PKD1: variants seen among roughly 807,000 people sequenced by gnomAD.
The protein encoded by PKD1 is polycystin 1, transient receptor potential channel interacting, also known as polycystin-1.
A neutral mutation model predicts 361.7 loss-of-function variants in PKD1; 81 were observed. That is an observed-to-expected ratio of 0.22 (90% CI 0.19 to 0.27). The LOEUF (loss-of-function observed/expected upper bound fraction) is 0.27, where lower values mean the gene tolerates loss of function less well. Among genes scored for constraint, PKD1 ranks in the 10% least tolerant of loss-of-function variants. The pLI is 1.00. For synonymous variants in PKD1, 3,615 were observed against 2,818.3 expected (o/e 1.28, Z -8.95); for missense variants, 6,399 against 6,118.3 (o/e 1.05, Z -1.53).
intron 15 of PKD1, 50 bp downstream of exon 15, chr16:2,108,202 T>C (rs763357826): frequency 1.9e-6 from 3 of 1,539,816 alleles, no homozygotes; most frequent in Non-Finnish European, 1.8e-6. Flanking sequence ...TCTGGGCTCA[T>C]GGGTGTGGAC....
chr16:2,124,427 T>C (rs1443244629), intron 1 of PKD1, among the ~76,000 whole-genome samples: 1 of 152,208 alleles, frequency 6.6e-6, no homozygotes, highest in Non-Finnish European at 1.5e-5. Flanking sequence ...AGCCTGAGGC[T>C]GGCAGGGCCG....
chr16:2,122,236 C>T (rs1404788169), intron 1 of PKD1, among the ~76,000 whole-genome samples: 2 of 152,274 alleles, frequency 1.3e-5, no homozygotes, highest in Admixed American at 6.5e-5. Context: ...ACGCTGGGCA[C>T]TGGCTCCCGG....
At chr16:2,095,293 A>T (rs2091799360) in intron 34 of PKD1, 1 of 152,184 alleles carries the variant, frequency 6.6e-6, no homozygotes, top group Admixed American at 6.5e-5. Flanking sequence ...GGGCGCCTGT[A>T]ATCTTAGCTA....
chr16:2,105,810 T>C, intron 20 of PKD1, 55 bp downstream of exon 20: 1 of 1,550,580 alleles, frequency 6.4e-7, no homozygotes, highest in South Asian at 1.1e-5. Flanking sequence ...GGTACAGGTC[T>C]TGGTCCCAAG....
intron 26 of PKD1, 38 bp downstream of exon 26, chr16:2,102,023 G>C (rs999090999): frequency 2.3e-6 from 3 of 1,324,776 alleles, no homozygotes; most frequent in Non-Finnish European, 3.2e-6. Context: ...CAGCCAGTGA[G>C]AGCAGGGGAG....
chr16:2,113,685 C>T (rs2092576934), intron 11 of PKD1: 4 of 380,652 alleles, frequency 1.1e-5, no homozygotes, highest in South Asian at 5.1e-5. Flanking sequence ...GGACAGGCTG[C>T]ACAGGTCACG....
rs776616291 is a variant in PKD1, at chr16:2,097,221, C to G, written c.10426G>C (p.Val3476Leu). Residue 3476 changes from valine (V) to leucine (L), a missense_variant, in exon 34 of 46, where the codon GTC becomes CTC. Transcript: ENST00000262304. ...SASDEDLIQQ[V>L]LAEGVSSPAP... is the part of the protein sequence containing the mutation. ...GGGCTGCTGACCCCCTCGGCAAGGA[C>G]CTGCTGGATCAGGTCTTCATCTAGA... 15 of 1,578,074 alleles carry G rather than the reference C, an allele frequency of 9.5e-6. No individual in the cohort carries two copies. Among genetic ancestry groups the G allele is most frequent in the Admixed American group, 1.8e-5 (1 of 54,472 alleles).
At position 2,090,067 on chromosome 16, in the gene PKD1, G is replaced by T. The variant is rs751606465; in HGVS notation, c.12572C>A (p.Ser4191Tyr). 1 of 1,610,766 alleles carries T rather than the reference G, an allele frequency of 6.2e-7. No homozygotes were observed. Among genetic ancestry groups the T allele is most frequent in the South Asian group, 1.1e-5 (1 of 91,038 alleles). Residue 4191 changes from serine (S) to tyrosine (Y), a missense_variant, in exon 46 of 46, where the codon TCC (serine) becomes TAC (tyrosine). Coordinates refer to ENST00000262304, the MANE Select transcript of PKD1 (RefSeq NM_001009944.3). ...CACGCTCAGCCCATCCAGCTGGCTG[G>T]AGGAGGTGGAGGGGTGCGAGGCATC... ...GSDASHPSTS[S>Y]SQLDGLSVSL...
At chr16:2,134,025 G>A (rs1157147613) in intron 1 of PKD1, among the ~76,000 whole-genome samples, 3 of 145,018 alleles carry the variant, frequency 2.1e-5, no homozygotes, top group Non-Finnish European at 3.0e-5. Flanking sequence ...GGAACCACCA[G>A]GCCCTGGACA....
At chr16:2,091,740 A>G in intron 41 of PKD1, 41 bp downstream of exon 41, 2 of 1,604,362 alleles carry the variant, frequency 1.2e-6, no homozygotes, top group South Asian at 2.2e-5. Flanking sequence ...CTGGCTGGTG[A>G]CTGCGGCCAC....
rs1290844116 is a variant in PKD1, at chr16:2,114,471, G to A, written c.2552C>T (p.Ser851Phe). 2 of 1,597,170 alleles carry A rather than the reference G, an allele frequency of 1.3e-6. No homozygotes were observed. Among genetic ancestry groups the A allele is most frequent in the Admixed American group, 1.7e-5 (1 of 59,968 alleles). Reference sequence around the variant, plus strand: ...AGCCGTGGCCGTGGCGTTGGCACCAGAGTCCACCTGGAGCACCAAGGCTGA... The same window carrying A: ...AGCCGTGGCCGTGGCGTTGGCACCAAAGTCCACCTGGAGCACCAAGGCTGA... ...NGSALVLQVDSGANATATARW... is the reference protein window; with the variant it reads ...NGSALVLQVDFGANATATARW... The change falls in exon 11 of 46, where the codon TCT (serine) becomes TTT (phenylalanine). Residue 851 changes from serine (S) to phenylalanine (F), a missense_variant. Physicochemically the swap from Ser to Phe is radical, Grantham distance 155. Transcript: ENST00000262304.
rs768915467 is a variant in PKD1 at position 2,106,902 on chromosome 16, A to G, written c.7112T>C (p.Val2371Ala). 1.5e-5 allele frequency: 24 copies of G among 1,564,954 alleles called. No individual in the cohort carries two copies. The highest frequency in any genetic ancestry group is 1.9e-5 in the Non-Finnish European group (22 of 1,154,082). Residue 2371 changes from valine (V) to alanine (A), a missense_variant, in exon 17 of 46, where the codon GTG (valine) becomes GCG (alanine). Transcript: ENST00000262304. The surrounding 1 kb of genome is among the most constrained non-coding windows in gnomAD (Gnocchi z 6.5). ...GTACACGGCCTGTGCCTTGCAGGAC[A>G]CACACTCCAAGGACACAATGGGCAC... ...GRVPIVSLEC[V>A]SCKAQAVYEV... is the part of the protein sequence containing the mutation.
In PKD1 at chr16:2,089,462, GAAAT is replaced by G. The variant is rs766153620; in HGVS notation, c.*261_*264del. 1 of 548,304 alleles carries G rather than the reference GAAAT, an allele frequency of 1.8e-6. No homozygotes were observed. The allele number at this position is 548,304 out of a possible 1,614,324, so 34.0% of individuals were successfully genotyped here. On this transcript the variant is annotated 3_prime_UTR_variant, in exon 46 of 46. Transcript: ENST00000262304. The stretch of plus-strand genomic sequence containing the variant: ...AGCCCGCTGTACCTGAGGACTCGGG[GAAAT>G]AAATTAGCATCTCAGAGGCTAGAAA...
rs985509384 is a variant in PKD1, at chr16:2,106,751, C to G, written c.7209+54G>C. On this transcript the variant is annotated intron_variant, in intron 17 of 45. Transcript: ENST00000262304. This position sits in a 1 kb window ranked among gnomAD's most constrained non-coding sequence, Gnocchi z 6.5. Reference sequence around the variant, plus strand: ...CCCCACTTCTGCCTGCAGGCCCCGTCCCCTCGGCCATGGGACCCATCCCCA... The same window carrying G: ...CCCCACTTCTGCCTGCAGGCCCCGTGCCCTCGGCCATGGGACCCATCCCCA... 2 of 1,505,998 alleles carry G rather than the reference C, an allele frequency of 1.3e-6. No homozygotes were observed. The highest frequency in any genetic ancestry group is 1.4e-5 in the African/African-American group (1 of 71,596). 93.3% of individuals were successfully genotyped at this position (1,505,998 alleles called of 1,614,324 possible).
At position 2,089,144 on chromosome 16, in the gene PKD1, A is replaced by C. The variant is rs1596468494; in HGVS notation, c.*583T>G. ...AAGGCCAAGCTCGCATCCAAGCAGC[A>C]GCCGGGCTGCCATAACGCCACCACA... On this transcript the variant is annotated 3_prime_UTR_variant, in exon 46 of 46. Coordinates refer to ENST00000262304, the MANE Select transcript of PKD1 (RefSeq NM_001009944.3). 5.9e-6 allele frequency: 1 copy of C among 170,110 alleles called. No homozygotes were observed. The highest frequency in any genetic ancestry group is 1.3e-5 in the Non-Finnish European group (1 of 78,686). 10.5% of individuals were successfully genotyped at this position (170,110 alleles called of 1,614,324 possible). A position where few individuals can be genotyped will look rare whatever the true frequency, so the allele number is the denominator to read the frequency against.
chr16:2,104,224 G>GA (rs2092236573), intron 22 of PKD1, among the ~76,000 whole-genome samples: 1 of 36,366 alleles, frequency 2.7e-5, no homozygotes, highest in Non-Finnish European at 5.3e-5. Context: ...GGGGATGAGG[G>GA]GGATGAGGAA....
In PKD1 at chr16:2,112,953, G is replaced by C. The variant is rs762260338; in HGVS notation, c.2996C>G (p.Ser999Cys). Residue 999 changes from serine to cysteine, a missense_variant, in exon 13 of 46, where the codon TCC becomes TGC. Ser to Cys is a moderately radical substitution (Grantham distance 112). Coordinates refer to ENST00000262304, the MANE Select transcript of PKD1 (RefSeq NM_001009944.3). ...CACGGTGACGTTGCTCACGTGGTTGGAGGCCGTCAGCTGCAGGGACAGGCG... is the reference window on the plus strand; with the variant it reads ...CACGGTGACGTTGCTCACGTGGTTGCAGGCCGTCAGCTGCAGGGACAGGCG... ...AAVFKLSLTA[S>C]NHVSNVTVNY... 3.1e-6 allele frequency: 5 copies of C among 1,600,170 alleles called. No homozygotes were observed. In the African/African-American group the frequency reaches 6.7e-5, roughly 21 times the overall value.
intron 39 of PKD1, 90 bp downstream of exon 39, chr16:2,092,390 G>A (rs528412980): frequency 9.8e-6 from 10 of 1,023,302 alleles, no homozygotes; most frequent in Admixed American, 3.9e-5. Context: ...CACACAGCTA[G>A]GGAGCAGGGC....
intron 1 of PKD1, among the ~76,000 whole-genome samples, chr16:2,130,104 T>A (rs185936046): frequency 1.3e-4 from 20 of 152,332 alleles, no homozygotes; most frequent in Non-Finnish European, 2.4e-4. Context: ...TCCACAAGTT[T>A]GGCGAGTTTG....
Sources: gnomAD v4.1 joint callset for allele counts (sites outside exome capture counted in the v4.1 genomes callset) on GRCh38, gnomAD v4.1.1 for gene constraint, Gnocchi (gnomAD v3.1) non-coding constraint, MANE v1.5 for transcripts, NCBI Gene and HGNC (gene_info 2026-07-23, HGNC 2026-07-21) for gene names.